FBXL18: variants seen among roughly 807,000 people sequenced by gnomAD.
FBXL18 encodes the protein F-box and leucine rich repeat protein 18, also known as F-box/LRR-repeat protein 18.
Under a neutral mutation model 46.0 loss-of-function variants are expected in FBXL18, and 36 were observed. The ratio of observed to expected loss-of-function variants is 0.78; its 90% CI spans 0.60 to 1.03. FBXL18 has a LOEUF of 1.03. Among genes scored for constraint, FBXL18 ranks in the 50% least tolerant of loss-of-function variants. The pLI, the probability that FBXL18 is intolerant of heterozygous loss-of-function variation, is 0.00. For missense variants in FBXL18, 977 were observed against 1,004.1 expected (o/e 0.97, Z 0.36); for synonymous variants, 557 against 465.3 (o/e 1.20, Z -2.54).
chr7:5,508,437 G>T (rs1584245815), intron 1 of FBXL18, among the ~76,000 whole-genome samples: 1 of 117,112 alleles, frequency 8.5e-6, no homozygotes, highest in South Asian at 2.8e-4. Flanking sequence ...GCGAGACTTT[G>T]TCTAAAAAAA....
Position 5,481,135 on chromosome 7 carries a change from A to G in FBXL18, c.*640T>C, listed in dbSNP as rs1484034400. On this transcript the variant is annotated 3_prime_UTR_variant, in exon 5 of 5. Coordinates refer to ENST00000382368, the MANE Select transcript of FBXL18 (RefSeq NM_024963.6). ...GGCTCCAACCAGCAGTCCCAACCTC[A>G]GGGGACCTCTCTGGGGCCACAGGCA... is the stretch of plus-strand genomic sequence containing the variant. 6.6e-6 allele frequency: 1 copy of G among 152,230 alleles called. No individual in the cohort carries two copies. The highest frequency in any genetic ancestry group is 1.5e-5 in the Non-Finnish European group (1 of 68,122). The allele number at this position is 152,230 out of a possible 1,614,324, so 9.4% of individuals were successfully genotyped here.
chr7:5,475,868 C>T lies in FBXL18; in HGVS notation c.*5907G>A, dbSNP rs1230136102. On this transcript the variant is annotated 3_prime_UTR_variant, in exon 5 of 5. Coordinates refer to ENST00000382368, the MANE Select transcript of FBXL18 (RefSeq NM_024963.6). This position sits in a 1 kb window ranked among gnomAD's most constrained non-coding sequence, Gnocchi z 4.2. ...ACACATGTACATGAAAATTCCCATC[C>T]AGAATGTAGTTTGCTACAGTGAACA... 1 of 152,250 alleles carries T rather than the reference C, an allele frequency of 6.6e-6. No homozygotes were observed. The highest frequency in any genetic ancestry group is 2.4e-5 in the African/African-American group (1 of 41,456). 9.4% of individuals were successfully genotyped at this position (152,250 alleles called of 1,614,324 possible).
At chr7:5,485,187 C>A (rs1432424032) in intron 4 of FBXL18, among the ~76,000 whole-genome samples, 2 of 152,176 alleles carry the variant, frequency 1.3e-5, no homozygotes, top group Non-Finnish European at 2.9e-5. Context: ...CAGGAAGGAG[C>A]AGCCTGCTTT....
chr7:5,498,053 G>A (rs1784129048), intron 3 of FBXL18, among the ~76,000 whole-genome samples: 1 of 151,330 alleles, frequency 6.6e-6, no homozygotes, highest in Admixed American at 6.6e-5. Context: ...CTACCTTTTG[G>A]GTAATTTTTT....
intron 4 of FBXL18, among the ~76,000 whole-genome samples, chr7:5,459,269 C>T (rs1448387227): frequency 1.3e-5 from 2 of 152,200 alleles, no homozygotes; most frequent in African/African-American, 4.8e-5. Flanking sequence ...CCACAGGGCC[C>T]TGGCCTTGGC....
At position 5,492,493 on chromosome 7, in the gene FBXL18, A is replaced by T. The variant is rs1783955052; in HGVS notation, c.1782-1044T>A. On this transcript the variant is annotated intron_variant, in intron 3 of 4. Transcript: ENST00000382368. ...GGTGGGGGGAGGAGCCGCTGGAGGG[A>T]CGGGCTGAGGCGAATGGGGAGGGGC... 2.0e-5 allele frequency among the ~76,000 whole-genome samples: 3 copies of T among 151,786 alleles called. No individual in the cohort carries two copies. In the South Asian group the frequency reaches 6.2e-4, roughly 32 times the overall value.
At chr7:5,491,928 T>C (rs4724703) in intron 3 of FBXL18, among the ~76,000 whole-genome samples, 108,416 of 150,972 alleles carry the variant, frequency 0.72, 39,557 homozygotes, top group East Asian at 0.89. Flanking sequence ...GAGGCTGGTG[T>C]GGGGGAGGGA....
chr7:5,459,862 G>A (rs1171219209), intron 4 of FBXL18, among the ~76,000 whole-genome samples: 1 of 152,096 alleles, frequency 6.6e-6, no homozygotes. Flanking sequence ...GCCGTGAGCT[G>A]AGATCACGCT....
chr7:5,456,052 C>T (rs1168112404), intron 4 of FBXL18, among the ~76,000 whole-genome samples: 14 of 152,262 alleles, frequency 9.2e-5, no homozygotes, highest in East Asian at 1.9e-4. Context: ...GCTTCCTGAA[C>T]GACCCAACCT....
intron 4 of FBXL18, among the ~76,000 whole-genome samples, chr7:5,457,574 C>G (rs190134122): frequency 6.6e-6 from 1 of 152,296 alleles, no homozygotes; most frequent in South Asian, 2.1e-4. Context: ...AAGGCCACCT[C>G]GGAAGCCATA....
chr7:5,471,953 TGGGG>T (rs1418404904), downstream of FBXL18, among the ~76,000 whole-genome samples: 1 of 152,106 alleles, frequency 6.6e-6, no homozygotes, highest in Non-Finnish European at 1.5e-5. Context: ...TGTGGTGTGG[TGGGG>T]CGCACCTACA....
chr7:5,513,474 G>A (rs1047972180), intron 1 of FBXL18, among the ~76,000 whole-genome samples, 183 bp downstream of exon 1: 2 of 152,140 alleles, frequency 1.3e-5, no homozygotes, highest in African/African-American at 4.8e-5. Context: ...CAGGGTAGGA[G>A]TCTTGGGGAC....
intron 3 of FBXL18, among the ~76,000 whole-genome samples, chr7:5,493,574 C>T (rs1425368395): frequency 1.3e-5 from 2 of 152,062 alleles, no homozygotes; most frequent in African/African-American, 4.8e-5. Context: ...GGATTACAGG[C>T]GTGGGCCACT....
In FBXL18 at chr7:5,481,023, C is replaced by T. The variant is rs1458064157; in HGVS notation, c.*752G>A. 8.4e-6 allele frequency: 1 copy of T among 119,628 alleles called. No individual in the cohort carries two copies. The highest frequency in any genetic ancestry group is 1.6e-5 in the Non-Finnish European group (1 of 61,866). The allele number at this position is 119,628 out of a possible 1,614,324, so 7.4% of individuals were successfully genotyped here. Reference sequence around the variant, plus strand: ...ACGCGCATGGACCTTCCCAGGGAAGCTGAAGGCCGTGGGGTGGGTGGGAGG... The same window carrying T: ...ACGCGCATGGACCTTCCCAGGGAAGTTGAAGGCCGTGGGGTGGGTGGGAGG... On this transcript the variant is annotated 3_prime_UTR_variant, in exon 5 of 5. Transcript: ENST00000382368.
intron 1 of FBXL18, among the ~76,000 whole-genome samples, chr7:5,508,523 C>T (rs1444168626): frequency 2.0e-5 from 3 of 150,886 alleles, no homozygotes; most frequent in Non-Finnish European, 4.4e-5. Context: ...GTGGGAGGAT[C>T]GCTTCAGCTC....
At position 5,476,375 on chromosome 7, in the gene FBXL18, C is replaced by G. The variant is rs560077228; in HGVS notation, c.*5400G>C. The G allele has an allele frequency of 2.6e-5, 4 of 152,218 alleles. No homozygotes were observed. Among genetic ancestry groups the G allele is most frequent in the African/African-American group, 9.7e-5 (4 of 41,438 alleles). The allele number at this position is 152,218 out of a possible 1,614,324, so 9.4% of individuals were successfully genotyped here. ...GGAGAAAAGCCTCCCGGGACCAACC[C>G]TCATTCCCAGGTCCACTGATCTGGG... On this transcript the variant is annotated 3_prime_UTR_variant, in exon 5 of 5. Transcript: ENST00000382368.
chr7:5,511,755 G>A (rs572062241), intron 1 of FBXL18, among the ~76,000 whole-genome samples: 9 of 145,812 alleles, frequency 6.2e-5, no homozygotes, highest in South Asian at 4.4e-4. Flanking sequence ...GCGACAGAGC[G>A]AGACTCCATC....
rs1171863295 is a variant in FBXL18, at chr7:5,497,274, AAGTCGCCCGTCTGGTTCTCAAAGC to A, written c.1781+3190_1781+3213del. Among the ~76,000 whole-genome samples, 6 of 152,160 alleles carry A rather than the reference AAGTCGCCCGTCTGGTTCTCAAAGC, an allele frequency of 3.9e-5. No individual in the cohort carries two copies. The East Asian group carries it at 5.8e-4, about 15-fold the overall frequency. The stretch of plus-strand genomic sequence containing the variant: ...ATTTCTAAAGCAGGGAGATTCTGAA[AAGTCGCCCGTCTGGTTCTCAAAGC>A]AGTCGCCCGTCCTGGTTCTCCAGGA... On this transcript the variant is annotated intron_variant, in intron 3 of 4. Coordinates refer to ENST00000382368, the MANE Select transcript of FBXL18 (RefSeq NM_024963.6).
chr7:5,460,245 G>C (rs913676739), intron 4 of FBXL18, among the ~76,000 whole-genome samples: 1 of 152,062 alleles, frequency 6.6e-6, no homozygotes, highest in Non-Finnish European at 1.5e-5. Context: ...GTGAGACTCG[G>C]TCTCCAAAAA....
Sources: gnomAD v4.1 joint callset for allele counts (sites outside exome capture counted in the v4.1 genomes callset) on GRCh38, gnomAD v4.1.1 for gene constraint, Gnocchi (gnomAD v3.1) non-coding constraint, MANE v1.5 for transcripts, NCBI Gene and HGNC (gene_info 2026-07-23, HGNC 2026-07-21) for gene names.